KLC1: variants seen among roughly 807,000 people sequenced by gnomAD.
KLC1 encodes kinesin light chain 1, also known as kinesin 2 60/70kDa.
A neutral mutation model predicts 84.2 loss-of-function variants in KLC1; 30 were observed. That is an observed-to-expected ratio of 0.36 (90% CI 0.27 to 0.48). The LOEUF (loss-of-function observed/expected upper bound fraction) is 0.48, where lower values mean the gene tolerates loss of function less well. KLC1 is among the 20% of genes least tolerant of loss of function. The pLI is 0.99. For missense variants in KLC1, 499 were observed against 805.4 expected, an observed-to-expected ratio of 0.62 and a Z score of 4.60; for synonymous variants, 289 against 293.3, an observed-to-expected ratio of 0.99 and a Z score of 0.15.
chr14:103,671,352 C>G (rs572859298), intron 7 of KLC1, among the ~76,000 whole-genome samples: 3 of 151,926 alleles, frequency 2.0e-5, no homozygotes, highest in Non-Finnish European at 4.4e-5. Context: ...TTGGGTCTAT[C>G]CGATGAGTGA....
chr14:103,642,181 C>T (rs1415078572), intron 1 of KLC1, among the ~76,000 whole-genome samples: 2 of 152,146 alleles, frequency 1.3e-5, no homozygotes, highest in Admixed American at 1.3e-4. Flanking sequence ...TCACCCACCT[C>T]GGCCTCCCAG....
At chr14:103,639,328 ACCATGTTGG>A (rs1191289065) in intron 1 of KLC1, among the ~76,000 whole-genome samples, 4 of 151,872 alleles carry the variant, frequency 2.6e-5, no homozygotes, top group Admixed American at 6.6e-5. Flanking sequence ...ATGGGGTTTC[ACCATGTTGG>A]CCAGGCTGGT....
At chr14:103,685,481 T>C (rs2081711516) in intron 13 of KLC1, 3 of 1,249,168 alleles carry the variant, frequency 2.4e-6, no homozygotes, top group Non-Finnish European at 2.1e-6. Flanking sequence ...GCTGGACTGG[T>C]AGAAGCAGGC....
rs2082298238 is a variant in KLC1 at position 103,694,336 on chromosome 14, C to T, written c.1848+1911C>T. The T allele has an allele frequency of 1.1e-6, 1 of 934,936 alleles. No homozygotes were observed. Among genetic ancestry groups the T allele is most frequent in the African/African-American group, 1.8e-5 (1 of 55,808 alleles). The allele number at this position is 934,936 out of a possible 1,614,324, so 57.9% of individuals were successfully genotyped here. ...GCCCAATCTCGGCCCACTGCAAGCT[C>T]CACCTCCTGGGTTCACGCCATTCTC... On this transcript the variant is annotated intron_variant, in intron 15 of 16. Coordinates refer to ENST00000334553, the MANE Select transcript of KLC1 (RefSeq NM_001394837.1). This position sits in a 1 kb window ranked among gnomAD's most constrained non-coding sequence, Gnocchi z 4.5.
intron 15 of KLC1, chr14:103,698,717 G>A: frequency 2.3e-6 from 3 of 1,321,192 alleles, no homozygotes; most frequent in Non-Finnish European, 3.2e-6. Flanking sequence ...CTGTGCCACG[G>A]CCCAGGCAGA....
intron 1 of KLC1, among the ~76,000 whole-genome samples, chr14:103,649,739 A>G (rs1461338156): frequency 6.8e-6 from 1 of 147,612 alleles, no homozygotes; most frequent in Admixed American, 6.9e-5. Flanking sequence ...TCTGTCGCCC[A>G]GGCTGGAGTG....
At chr14:103,645,542 G>A (rs1339244157) in intron 1 of KLC1, among the ~76,000 whole-genome samples, 1 of 152,098 alleles carries the variant, frequency 6.6e-6, no homozygotes, top group East Asian at 1.9e-4. Flanking sequence ...GGAATGCATC[G>A]TTAAGTGATT....
At chr14:103,663,528 T>A (rs1441106885) in intron 5 of KLC1, among the ~76,000 whole-genome samples, 1 of 152,214 alleles carries the variant, frequency 6.6e-6, no homozygotes, top group Non-Finnish European at 1.5e-5. Context: ...CAAGACCCTG[T>A]GCAGGCGGCT....
rs3742362 is a variant in KLC1, at chr14:103,696,313, G to A, written c.1848+3888G>A. On this transcript the variant is annotated intron_variant, in intron 15 of 16. Transcript: ENST00000334553. Reference sequence around the variant, plus strand: ...GGGTCCTCAGAGGCCGGTGGTGCCCGCGGGTGGCACGGGGCACTCTCATGG... The same window carrying A: ...GGGTCCTCAGAGGCCGGTGGTGCCCACGGGTGGCACGGGGCACTCTCATGG... 411 of 985,328 alleles carry A rather than the reference G, an allele frequency of 4.2e-4. 6 individuals carry two copies. In the East Asian group the frequency reaches 0.021, roughly 51 times the overall value. 61.0% of individuals were successfully genotyped at this position (985,328 alleles called of 1,614,324 possible). A position where few individuals can be genotyped will look rare whatever the true frequency, so the allele number is the denominator to read the frequency against.
rs909176120 is a variant in KLC1, at chr14:103,693,910, C to T, written c.1848+1485C>T. 2 of 1,278,664 alleles carry T rather than the reference C, an allele frequency of 1.6e-6. No individual in the cohort carries two copies. Among genetic ancestry groups the T allele is most frequent in the African/African-American group, 3.0e-5 (2 of 65,704 alleles). 79.2% of individuals were successfully genotyped at this position (1,278,664 alleles called of 1,614,324 possible). A position where few individuals can be genotyped will look rare whatever the true frequency, so the allele number is the denominator to read the frequency against. On this transcript the variant is annotated intron_variant, in intron 15 of 16. Transcript: ENST00000334553. This position sits in a 1 kb window ranked among gnomAD's most constrained non-coding sequence, Gnocchi z 5.1. ...GTGGCTTCAGCACGCTGGGGATTGGCTCCTGCTCACGGATGCTGTTGCATT... is the reference window on the plus strand; with the variant it reads ...GTGGCTTCAGCACGCTGGGGATTGGTTCCTGCTCACGGATGCTGTTGCATT...
rs959772728 is a variant in KLC1 at position 103,686,220 on chromosome 14, G to T, written c.1651-861G>T. On this transcript the variant is annotated intron_variant, in intron 13 of 16. Coordinates refer to ENST00000334553, the MANE Select transcript of KLC1 (RefSeq NM_001394837.1). ...TTCTAACTTCTAATAAACTCACTCC[G>T]ACTGACCTGTGTCTTGGTGTCTGTC... 5.1e-6 allele frequency: 5 copies of T among 986,394 alleles called. No homozygotes were observed. The Admixed American group carries it at 2.4e-4, about 48-fold the overall frequency. The allele number at this position is 986,394 out of a possible 1,614,324, so 61.1% of individuals were successfully genotyped here. A position where few individuals can be genotyped will look rare whatever the true frequency, so the allele number is the denominator to read the frequency against.
chr14:103,698,614 C>T (rs921118636), intron 15 of KLC1: 5 of 641,936 alleles, frequency 7.8e-6, no homozygotes, highest in Non-Finnish European at 8.2e-6. Flanking sequence ...AACATCCCCC[C>T]AGCTCAGATG....
At chr14:103,679,624 G>A in intron 13 of KLC1, 79 bp downstream of exon 13, 7 of 1,013,174 alleles carry the variant, frequency 6.9e-6, no homozygotes, top group Non-Finnish European at 1.0e-5. Context: ...CCTGTCTCAT[G>A]TGCTAGACCT....
At chr14:103,698,898 G>A (rs1196405031) in intron 15 of KLC1, 2 of 1,602,864 alleles carry the variant, frequency 1.2e-6, no homozygotes, top group Non-Finnish European at 1.7e-6. Context: ...CACCCGCAGG[G>A]TCCGGGCTGG....
intron 15 of KLC1, 53 bp from the exon 16 acceptor site, chr14:103,700,602 C>T (rs1209003327): frequency 8.8e-6 from 13 of 1,482,916 alleles, no homozygotes; most frequent in Non-Finnish European, 1.2e-5. Flanking sequence ...TCTGAAGACG[C>T]CTGAGGGCCG....
At chr14:103,672,979 A>G (rs1449526594) in intron 7 of KLC1, 35 bp from the exon 8 acceptor site, 2 of 1,597,180 alleles carry the variant, frequency 1.3e-6, no homozygotes, top group Non-Finnish European at 1.7e-6. Context: ...TGGAAGCAGA[A>G]CAAGTGTCTC....
At chr14:103,678,492 C>T (rs2081101865) in intron 12 of KLC1, among the ~76,000 whole-genome samples, 1 of 151,794 alleles carries the variant, frequency 6.6e-6, no homozygotes, top group Admixed American at 6.6e-5. Flanking sequence ...GGAAACCAGC[C>T]TGGGCAACAT....
intron 1 of KLC1, among the ~76,000 whole-genome samples, chr14:103,639,425 C>T (rs990056036): frequency 2.6e-5 from 4 of 152,148 alleles, no homozygotes; most frequent in South Asian, 4.2e-4. Context: ...GCCACCACGC[C>T]TGGCTCTTTC....
At chr14:103,655,695 G>A (rs953339054) in intron 2 of KLC1, among the ~76,000 whole-genome samples, 1 of 151,540 alleles carries the variant, frequency 6.6e-6, no homozygotes, top group Non-Finnish European at 1.5e-5. Flanking sequence ...TGCAACCTCT[G>A]TCCCCCGGGT....
Sources: gnomAD v4.1 joint callset for allele counts (sites outside exome capture counted in the v4.1 genomes callset) on GRCh38, gnomAD v4.1.1 for gene constraint, Gnocchi (gnomAD v3.1) non-coding constraint, MANE v1.5 for transcripts, NCBI Gene and HGNC (gene_info 2026-07-23, HGNC 2026-07-21) for gene names.